NBEA: variants seen among roughly 807,000 people sequenced by gnomAD.
NBEA encodes the protein neurobeachin.
NBEA carries 44 observed loss-of-function variants against 343.4 expected under a neutral mutation model. That is an observed-to-expected ratio of 0.13 (90% CI 0.10 to 0.16). The LOEUF (loss-of-function observed/expected upper bound fraction) is 0.16. NBEA is among the 10% of genes least tolerant of loss of function. The pLI is 1.00. For missense variants in NBEA, 2,555 were observed against 3,631.3 expected (o/e 0.70, Z 7.62); for synonymous variants, 1,175 against 1,238.7 (o/e 0.95, Z 1.08).
chr13:34,942,853 G>GCTCGAGC lies in NBEA; in HGVS notation c.37_43dup (p.Gln15ArgfsTer50). ...GCGAGAAGCCGGGCCCGGGCCCGGG[G>GCTCGAGC]CTCGAGCCTCAGCCCGTGGGGCTCA... is the stretch of plus-strand genomic sequence containing the variant. On this transcript the variant is annotated frameshift_variant, in exon 1 of 59. Coordinates refer to ENST00000379939, the MANE Select transcript of NBEA (RefSeq NM_001385012.1). LOFTEE classifies it high-confidence loss of function. 7.3e-7 allele frequency: 1 copy of GCTCGAGC among 1,374,462 alleles called. No individual in the cohort carries two copies. Among genetic ancestry groups the GCTCGAGC allele is most frequent in the Non-Finnish European group, 9.4e-7 (1 of 1,059,738 alleles). The allele number at this position is 1,374,462 out of a possible 1,614,324, so 85.1% of individuals were successfully genotyped here. A position where few individuals can be genotyped will look rare whatever the true frequency, so the allele number is the denominator to read the frequency against.
intron 44 of NBEA, among the ~76,000 whole-genome samples, chr13:35,555,619 A>C (rs1373017267): frequency 6.6e-6 from 1 of 152,106 alleles, no homozygotes. Flanking sequence ...CTTGCAAATC[A>C]AAAGGAGGTA....
At chr13:35,015,668 C>T (rs1423551430) in intron 1 of NBEA, among the ~76,000 whole-genome samples, 1 of 151,686 alleles carries the variant, frequency 6.6e-6, no homozygotes, top group Non-Finnish European at 1.5e-5. Context: ...AATTAGCCTT[C>T]AGAAAAACAT....
At chr13:35,554,457 C>T (rs2079489224) in intron 43 of NBEA, among the ~76,000 whole-genome samples, 1 of 152,188 alleles carries the variant, frequency 6.6e-6, no homozygotes, top group African/African-American at 2.4e-5. Context: ...CTTCTGGACC[C>T]ATGCATTTTT....
chr13:35,666,961 G>A (rs1036142663), intron 56 of NBEA, among the ~76,000 whole-genome samples: 4 of 152,226 alleles, frequency 2.6e-5, no homozygotes, highest in African/African-American at 4.8e-5. Context: ...GTGGTACAAC[G>A]CGTAAAATTT....
chr13:35,542,569 A>T (rs2078881940), intron 41 of NBEA, among the ~76,000 whole-genome samples: 1 of 152,062 alleles, frequency 6.6e-6, no homozygotes, highest in Admixed American at 6.6e-5. Context: ...CAGATATTTG[A>T]AGATTTCTTT....
At chr13:35,231,223 T>C (rs2152769634) in intron 33 of NBEA, among the ~76,000 whole-genome samples, 1 of 152,172 alleles carries the variant, frequency 6.6e-6, no homozygotes, top group East Asian at 1.9e-4. Context: ...ATACTTAGAG[T>C]GCTCAAAGAT....
intron 10 of NBEA, among the ~76,000 whole-genome samples, chr13:35,081,046 A>G (rs1463481805): frequency 6.6e-6 from 1 of 152,080 alleles, no homozygotes; most frequent in Non-Finnish European, 1.5e-5. Flanking sequence ...TAACACAATG[A>G]CTTTATGATT....
At chr13:35,405,393 C>T (rs1247752263) in intron 38 of NBEA, among the ~76,000 whole-genome samples, 2 of 152,110 alleles carry the variant, frequency 1.3e-5, no homozygotes, top group African/African-American at 4.8e-5. Flanking sequence ...CTGCTGCTTT[C>T]TTATATGTGC....
rs1429282496 is a variant in NBEA, at chr13:35,308,464, ATATATAT to A, written c.5839-1063_5839-1057del. 4.1e-5 allele frequency among the ~76,000 whole-genome samples: 5 copies of A among 120,804 alleles called. No individual in the cohort carries two copies. The East Asian group carries it at 1.1e-3, about 28-fold the overall frequency. The allele number at this position is 120,804 out of a possible 152,430, so 79.3% of individuals were successfully genotyped here. A position where few individuals can be genotyped will look rare whatever the true frequency, so the allele number is the denominator to read the frequency against. On this transcript the variant is annotated intron_variant, in intron 35 of 58. Transcript: ENST00000379939. ...TATATATATATATATATATATATAT[ATATATAT>A]ATGTATATATATATGTGTATATATA...
At chr13:35,020,830 T>A (rs1404888176) in intron 1 of NBEA, among the ~76,000 whole-genome samples, 1 of 152,124 alleles carries the variant, frequency 6.6e-6, no homozygotes, top group Non-Finnish European at 1.5e-5. Flanking sequence ...ATCTTCTATA[T>A]TCTTATTGGT....
intron 34 of NBEA, among the ~76,000 whole-genome samples, chr13:35,277,313 G>A (rs1045389874): frequency 1.6e-4 from 24 of 152,018 alleles, no homozygotes; most frequent in Admixed American, 2.6e-4. Context: ...ACTCATATTT[G>A]TTCATGACTT....
intron 45 of NBEA, among the ~76,000 whole-genome samples, chr13:35,567,943 C>T (rs1177669790): frequency 2.6e-5 from 4 of 152,138 alleles, no homozygotes; most frequent in South Asian, 2.1e-4. Flanking sequence ...GAAACCTAGA[C>T]GTACCTAAGT....
At chr13:35,405,066 A>G (rs1024861339) in intron 38 of NBEA, among the ~76,000 whole-genome samples, 1 of 152,200 alleles carries the variant, frequency 6.6e-6, no homozygotes, top group African/African-American at 2.4e-5. Flanking sequence ...ATTTACTTCA[A>G]TATTTCTGTC....
At chr13:35,601,632 C>G (rs2082049131) in intron 47 of NBEA, among the ~76,000 whole-genome samples, 1 of 151,696 alleles carries the variant, frequency 6.6e-6, no homozygotes, top group African/African-American at 2.4e-5. Flanking sequence ...TGTGGTGGCA[C>G]ACGCCTGTAG....
chr13:35,597,772 A>C (rs542698361), intron 47 of NBEA, among the ~76,000 whole-genome samples: 5 of 152,316 alleles, frequency 3.3e-5, no homozygotes, highest in Middle Eastern at 6.8e-3. Flanking sequence ...AGGCCACTTC[A>C]TGCCTAGGCC....
chr13:35,412,969 A>C (rs1376705725), intron 38 of NBEA, among the ~76,000 whole-genome samples: 2 of 152,202 alleles, frequency 1.3e-5, no homozygotes, highest in African/African-American at 4.8e-5. Context: ...GTAGTTGAGT[A>C]GTGAGTAGAT....
intron 55 of NBEA, among the ~76,000 whole-genome samples, chr13:35,664,521 T>G (rs1214229610): frequency 6.6e-6 from 1 of 152,236 alleles, no homozygotes; most frequent in Non-Finnish European, 1.5e-5. Context: ...GGCATAACAT[T>G]CTCTAAGTCC....
chr13:35,143,662 GT>G (rs1271767482), intron 18 of NBEA, among the ~76,000 whole-genome samples: 1 of 152,026 alleles, frequency 6.6e-6, no homozygotes, highest in African/African-American at 2.4e-5. Flanking sequence ...TTATAAAAAT[GT>G]TTTAAAAATA....
At chr13:35,169,948 T>C (rs1028625369) in intron 25 of NBEA, among the ~76,000 whole-genome samples, 1 of 151,798 alleles carries the variant, frequency 6.6e-6, no homozygotes, top group Non-Finnish European at 1.5e-5. Flanking sequence ...TTGTAACAAC[T>C]GAAAACACAT....
Sources: gnomAD v4.1 joint callset for allele counts (sites outside exome capture counted in the v4.1 genomes callset) on GRCh38, gnomAD v4.1.1 for gene constraint, MANE v1.5 for transcripts, NCBI Gene and HGNC (gene_info 2026-07-23, HGNC 2026-07-21) for gene names.